Variants in FER observed in about 807,000 individuals in gnomAD.
The protein encoded by FER is FER tyrosine kinase.
In FER, 63 loss-of-function variants were observed where a neutral mutation model predicts 111.0. The ratio of observed to expected loss-of-function variants is 0.57; its 90% CI spans 0.46 to 0.70. The LOEUF (loss-of-function observed/expected upper bound fraction) is 0.70, where lower values mean the gene tolerates loss of function less well. Among genes scored for constraint, FER ranks in the 30% least tolerant of loss-of-function variants. The pLI is 0.00. For missense variants in FER, 914 were observed against 954.0 expected (o/e 0.96, Z 0.55); for synonymous variants, 327 against 313.9 (o/e 1.04, Z -0.44).
At chr5:109,156,218 G>A (rs143844393) in intron 17 of FER, among the ~76,000 whole-genome samples, 18 of 152,104 alleles carry the variant, frequency 1.2e-4, no homozygotes, top group East Asian at 9.7e-4. Flanking sequence ...GATGGTAGAC[G>A]GAATTGAGAG....
At chr5:109,119,610 G>A (rs1750706764) in intron 17 of FER, among the ~76,000 whole-genome samples, 1 of 152,146 alleles carries the variant, frequency 6.6e-6, no homozygotes, top group Admixed American at 6.5e-5. Flanking sequence ...ACAGTGGGGT[G>A]TTAAAGTCTC....
intron 9 of FER, among the ~76,000 whole-genome samples, chr5:108,890,590 C>T (rs1301199871): frequency 6.6e-6 from 1 of 152,004 alleles, no homozygotes; most frequent in African/African-American, 2.4e-5. Flanking sequence ...CCAAATTTTC[C>T]TCTTCTTATA....
intron 2 of FER, among the ~76,000 whole-genome samples, chr5:108,796,526 A>G (rs550659584): frequency 6.6e-6 from 1 of 152,258 alleles, no homozygotes; most frequent in African/African-American, 2.4e-5. Context: ...GAGTAGAGTC[A>G]AAACCTTAGA....
intron 16 of FER, among the ~76,000 whole-genome samples, chr5:109,064,773 T>TC (rs1462317354): frequency 6.6e-6 from 1 of 152,200 alleles, no homozygotes; most frequent in Non-Finnish European, 1.5e-5. Context: ...GACTTTCTGT[T>TC]ATTTGAAGTT....
intron 16 of FER, among the ~76,000 whole-genome samples, chr5:109,065,802 C>A (rs1019082026): frequency 6.6e-6 from 1 of 152,092 alleles, no homozygotes; most frequent in African/African-American, 2.4e-5. Flanking sequence ...TTGTCCTTTC[C>A]TGTAAAACTA....
intron 17 of FER, among the ~76,000 whole-genome samples, chr5:109,155,684 T>G (rs796917897): frequency 2.6e-4 from 40 of 152,132 alleles, no homozygotes; most frequent in African/African-American, 8.9e-4. Flanking sequence ...TTCTGAAACC[T>G]TTATACCAGA....
intron 16 of FER, among the ~76,000 whole-genome samples, chr5:109,077,048 T>C (rs937345374): frequency 6.6e-6 from 1 of 152,234 alleles, no homozygotes; most frequent in African/African-American, 2.4e-5. Context: ...CTGCCTTTTA[T>C]ATACCATCAT....
At chr5:108,780,505 A>G (rs1031525305) in intron 2 of FER, among the ~76,000 whole-genome samples, 23 of 151,728 alleles carry the variant, frequency 1.5e-4, no homozygotes, top group African/African-American at 5.6e-4. Flanking sequence ...TTTGATAGGT[A>G]ATGTCTTTTT....
chr5:109,055,919 G>C (rs181287777), intron 16 of FER, among the ~76,000 whole-genome samples: 148 of 149,330 alleles, frequency 9.9e-4, no homozygotes, highest in African/African-American at 3.4e-3. Flanking sequence ...ATGGGCAAAG[G>C]CCTAAATAGA....
intron 5 of FER, among the ~76,000 whole-genome samples, chr5:108,863,844 A>G (rs1185711632): frequency 6.6e-6 from 1 of 152,182 alleles, no homozygotes; most frequent in Non-Finnish European, 1.5e-5. Flanking sequence ...ATGACATAAA[A>G]TATATTATCT....
intron 2 of FER, among the ~76,000 whole-genome samples, chr5:108,770,478 T>G (rs963159576): frequency 3.9e-5 from 6 of 152,186 alleles, no homozygotes; most frequent in Non-Finnish European, 8.8e-5. Flanking sequence ...AAGATTTCCT[T>G]TTTTCTTTCT....
chr5:108,877,378 A>G (rs1765194720), intron 8 of FER, among the ~76,000 whole-genome samples: 2 of 152,218 alleles, frequency 1.3e-5, no homozygotes, highest in Non-Finnish European at 2.9e-5. Context: ...ACAAAGTTGT[A>G]TGGAAGAAAG....
rs1294087165 is a variant in FER, at chr5:109,195,467, A to G, written c.*7892A>G. 1 of 152,218 alleles carries G rather than the reference A, an allele frequency of 6.6e-6. No individual in the cohort carries two copies. The highest frequency in any genetic ancestry group is 2.4e-5 in the African/African-American group (1 of 41,452). 9.4% of individuals were successfully genotyped at this position (152,218 alleles called of 1,614,324 possible). ...TAGTGTCAAAGAGATTGGTTCTACA[A>G]GGTTCATCTGATTTCCCATAACAAG... On this transcript the variant is annotated 3_prime_UTR_variant, in exon 20 of 20. Transcript: ENST00000281092.
intron 3 of FER, among the ~76,000 whole-genome samples, chr5:108,826,878 C>CT (rs1759528623): frequency 6.6e-6 from 1 of 152,194 alleles, no homozygotes; most frequent in South Asian, 2.1e-4. Context: ...ACTCCCAGCT[C>CT]TGTCTCCTCA....
At chr5:109,177,421 A>G (rs1383453392) in intron 17 of FER, 1 of 140,024 alleles carries the variant, frequency 7.1e-6, no homozygotes, top group Non-Finnish European at 1.6e-5. Flanking sequence ...TTTTTATGCC[A>G]AAAAAAAAAA....
chr5:109,166,806 T>C (rs1455416207), intron 17 of FER, among the ~76,000 whole-genome samples: 8 of 152,138 alleles, frequency 5.3e-5, no homozygotes. Flanking sequence ...ATTGAGTCCC[T>C]CTCATTCGAC....
intron 16 of FER, among the ~76,000 whole-genome samples, chr5:109,067,171 CAACTGGA>C (rs1775193681): frequency 6.6e-6 from 1 of 152,086 alleles, no homozygotes; most frequent in African/African-American, 2.4e-5. Context: ...TCAGGGTAAG[CAACTGGA>C]TTTTATTTGC....
chr5:108,749,547 C>T (rs570175654), intron 1 of FER, among the ~76,000 whole-genome samples: 117 of 152,322 alleles, frequency 7.7e-4, no homozygotes, highest in African/African-American at 2.5e-3. Flanking sequence ...CTTCCTGCTT[C>T]TGGAGCCCCG....
chr5:109,120,581 T>C (rs1366599211), intron 17 of FER, among the ~76,000 whole-genome samples: 1 of 152,146 alleles, frequency 6.6e-6, no homozygotes, highest in Admixed American at 6.5e-5. Context: ...TTGACTATTC[T>C]GGGTCTTTTG....
Sources: allele counts gnomAD v4.1 joint callset (sites outside exome capture counted in the v4.1 genomes callset), GRCh38; gene constraint gnomAD v4.1.1; transcripts MANE v1.5; gene names NCBI Gene and HGNC (gene_info 2026-07-23, HGNC 2026-07-21).